SNX16: variants seen among roughly 807,000 people sequenced by gnomAD.
SNX16 encodes sorting nexin-16.
A neutral mutation model predicts 36.7 loss-of-function variants in SNX16; 35 were observed. The observed-to-expected ratio is 0.95, with a 90% CI of 0.73 to 1.27. SNX16 has a LOEUF of 1.27. SNX16 is among the 50% of genes most tolerant of loss of function. The pLI, the probability that SNX16 is intolerant of heterozygous loss-of-function variation, is 0.00. For synonymous variants in SNX16, 134 were observed against 132.0 expected (o/e 1.02, Z -0.10); for missense variants, 367 against 393.6 (o/e 0.93, Z 0.57).
chr8:81,827,094 C>T (rs1811052340), intron 3 of SNX16, among the ~76,000 whole-genome samples: 1 of 152,034 alleles, frequency 6.6e-6, no homozygotes. Flanking sequence ...CTTTCTGGTA[C>T]CTATAACACC....
chr8:81,806,339 T>C (rs899211440), intron 5 of SNX16, among the ~76,000 whole-genome samples: 1 of 152,142 alleles, frequency 6.6e-6, no homozygotes, highest in African/African-American at 2.4e-5. Context: ...TTTGCGTTAA[T>C]CTCATAATCA....
chr8:81,816,485 C>T (rs1810503143), intron 4 of SNX16, among the ~76,000 whole-genome samples: 1 of 151,662 alleles, frequency 6.6e-6, no homozygotes, highest in South Asian at 2.1e-4. Context: ...CCACCGCGAC[C>T]GCACCCAGCC....
In SNX16 at chr8:81,819,657, T is replaced by C. The variant is rs1016305534; in HGVS notation, c.611+4135A>G. ...GATGAGTATCTAACTCATTTTTATA[T>C]AGTCAAAGCATCTTTTAAATAGTAA... On this transcript the variant is annotated intron_variant, in intron 4 of 7. Coordinates refer to ENST00000345957, the MANE Select transcript of SNX16 (RefSeq NM_152836.3). Among the ~76,000 whole-genome samples the C allele has an allele frequency of 2.2e-4, 33 of 152,062 alleles. 1 individual carries two copies. The highest frequency in any genetic ancestry group is 1.6e-3 in the Admixed American group (24 of 15,250).
At position 81,802,508 on chromosome 8, in the gene SNX16, ATGTT is replaced by A; in HGVS notation, c.819-13_819-10del. On this transcript the variant is annotated splice_polypyrimidine_tract_variant and intron_variant, in intron 6 of 7. Transcript: ENST00000345957. ...GTTCTAAAGACAATGTTCTAAAAGT[ATGTT>A]ATAGCAACAAGTTATTTTCTATGAA... 1.3e-6 allele frequency: 2 copies of A among 1,597,676 alleles called. No homozygotes were observed. Among genetic ancestry groups the A allele is most frequent in the Non-Finnish European group, 1.7e-6 (2 of 1,172,644 alleles).
chr8:81,832,299 G>A (rs1327282695), intron 2 of SNX16, among the ~76,000 whole-genome samples: 1 of 152,122 alleles, frequency 6.6e-6, no homozygotes, highest in Non-Finnish European at 1.5e-5. Context: ...TATCCTAAGT[G>A]AATTAATGCA....
chr8:81,840,200 C>G, intron 1 of SNX16, 118 bp from the exon 2 acceptor site: 1 of 495,226 alleles, frequency 2.0e-6, no homozygotes, highest in South Asian at 3.9e-5. Flanking sequence ...AAACATACCT[C>G]AAACCCCTTC....
At chr8:81,833,798 T>C (rs1811373543) in intron 2 of SNX16, among the ~76,000 whole-genome samples, 1 of 152,220 alleles carries the variant, frequency 6.6e-6, no homozygotes. Flanking sequence ...CTTGTTTAAG[T>C]AGTGCTTTCA....
chr8:81,814,190 GGATA>G (rs1810381779), intron 5 of SNX16, among the ~76,000 whole-genome samples: 1 of 151,906 alleles, frequency 6.6e-6, no homozygotes, highest in Non-Finnish European at 1.5e-5. Flanking sequence ...ATGGGTGACT[GGATA>G]AACAAAATGT....
At chr8:81,837,091 C>T (rs998868152) in intron 2 of SNX16, among the ~76,000 whole-genome samples, 5 of 152,142 alleles carry the variant, frequency 3.3e-5, no homozygotes, top group Non-Finnish European at 5.9e-5. Context: ...AAATCCCAAC[C>T]CCAGATTTGG....
At position 81,832,687 on chromosome 8, in the gene SNX16, T is replaced by C. The variant is rs193269390; in HGVS notation, c.376-3171A>G. ...GAAAAACTTGGTTGAAGCAAGTCAATGTATTTTTAAAAGCACCTAAGGAAA... is the reference window on the plus strand; with the variant it reads ...GAAAAACTTGGTTGAAGCAAGTCAACGTATTTTTAAAAGCACCTAAGGAAA... On this transcript the variant is annotated intron_variant, in intron 2 of 7. Transcript: ENST00000345957. 2.4e-3 allele frequency among the ~76,000 whole-genome samples: 370 copies of C among 152,022 alleles called. 2 individuals carry two copies. The highest frequency in any genetic ancestry group is 6.8e-3 in the Middle Eastern group (2 of 294).
chr8:81,808,246 A>G lies in SNX16; in HGVS notation c.682-5018T>C, dbSNP rs1810059192. 2.5e-6 allele frequency: 3 copies of G among 1,211,220 alleles called. No homozygotes were observed. In the South Asian group the frequency reaches 3.6e-5, roughly 15 times the overall value. The allele number at this position is 1,211,220 out of a possible 1,614,324, so 75.0% of individuals were successfully genotyped here. ...TGTAACCTTTCACGACCATGACTCC[A>G]TGGATAAGACGGTCATTCAGAAACA... On this transcript the variant is annotated intron_variant, in intron 5 of 7. Transcript: ENST00000345957.
At chr8:81,822,672 C>T (rs1810800101) in intron 4 of SNX16, among the ~76,000 whole-genome samples, 1 of 151,834 alleles carries the variant, frequency 6.6e-6, no homozygotes, top group East Asian at 1.9e-4. Context: ...AAAGATGACT[C>T]ACAGGTTCTG....
At chr8:81,807,094 CTAAAATTCATATGGAAAAGTGAA>C (rs1222045001) in intron 5 of SNX16, among the ~76,000 whole-genome samples, 13 of 152,046 alleles carry the variant, frequency 8.6e-5, no homozygotes, top group Non-Finnish European at 1.5e-4. Context: ...CAAAGTTGTT[CTAAAATTCATATGGAAAAGTGAA>C]TAGCCAACTT....
intron 7 of SNX16, 66 bp from the exon 8 acceptor site, chr8:81,801,659 T>C: frequency 1.0e-6 from 1 of 952,574 alleles, no homozygotes; most frequent in Non-Finnish European, 1.6e-6. Context: ...TATTTCATTT[T>C]CACTATTACC....
rs1179766689 is a variant in SNX16, at chr8:81,802,370, T to C, written c.938+10A>G. Reference sequence around the variant, plus strand: ...AAGAATTAAGCTATCATAAATGAAATATTATATACCTAGATTCTTCATCCA... The same window carrying C: ...AAGAATTAAGCTATCATAAATGAAACATTATATACCTAGATTCTTCATCCA... On this transcript the variant is annotated intron_variant, in intron 7 of 7. Coordinates refer to ENST00000345957, the MANE Select transcript of SNX16 (RefSeq NM_152836.3). 6.3e-7 allele frequency: 1 copy of C among 1,584,280 alleles called. No individual in the cohort carries two copies. The highest frequency in any genetic ancestry group is 1.4e-5 in the African/African-American group (1 of 72,866).
At position 81,802,463 on chromosome 8, in the gene SNX16, C is replaced by A; in HGVS notation, c.855G>T (p.Val285=). The part of the protein sequence containing the change: ...LSLEPEESLD[V]SETEGEQILK... ...GGATCTGTTCACCTTCTGTTTCTGA[C>A]ACATCCAGTGATTCTTCAGGTTCTA... The change falls in exon 7 of 8, where the codon GTG becomes GTT. Residue 285 remains valine, a synonymous_variant. Coordinates refer to ENST00000345957, the MANE Select transcript of SNX16 (RefSeq NM_152836.3). 1.9e-6 allele frequency: 3 copies of A among 1,609,586 alleles called. No homozygotes were observed. The highest frequency in any genetic ancestry group is 2.5e-6 in the Non-Finnish European group (3 of 1,177,250).
intron 2 of SNX16, among the ~76,000 whole-genome samples, chr8:81,833,326 T>C (rs954153283): frequency 1.3e-5 from 2 of 152,044 alleles, no homozygotes; most frequent in Non-Finnish European, 2.9e-5. Flanking sequence ...TTTTCTCCCA[T>C]ACAAACTTCT....
At chr8:81,837,417 G>A (rs1006745473) in intron 2 of SNX16, among the ~76,000 whole-genome samples, 3 of 152,076 alleles carry the variant, frequency 2.0e-5, no homozygotes, top group African/African-American at 7.2e-5. Context: ...AGTCTGTTAG[G>A]TCTGTTATAA....
At chr8:81,809,648 C>T (rs1020478279) in intron 5 of SNX16, among the ~76,000 whole-genome samples, 2 of 152,142 alleles carry the variant, frequency 1.3e-5, no homozygotes, top group Non-Finnish European at 2.9e-5. Flanking sequence ...ATTTTATACC[C>T]ATCAGACTGA....
Sources: allele counts gnomAD v4.1 joint callset (sites outside exome capture counted in the v4.1 genomes callset), GRCh38; gene constraint gnomAD v4.1.1; transcripts MANE v1.5; gene names NCBI Gene and HGNC (gene_info 2026-07-23, HGNC 2026-07-21).